Variants in TBC1D12 observed in about 807,000 individuals in gnomAD.
The protein encoded by TBC1D12 is TBC1 domain family, member 12.
A neutral mutation model predicts 86.7 loss-of-function variants in TBC1D12; 56 were observed. The ratio of observed to expected loss-of-function variants is 0.65; its 90% CI spans 0.52 to 0.81. The LOEUF is 0.81. Ranked by LOEUF, TBC1D12 falls within the 30% of genes least tolerant of loss-of-function variation. The pLI, the probability that TBC1D12 is intolerant of heterozygous loss-of-function variation, is 0.00. For missense variants in TBC1D12, 1,023 were observed against 1,038.8 expected (o/e 0.98, Z 0.21); for synonymous variants, 421 against 411.7 (o/e 1.02, Z -0.27).
At position 94,534,213 on chromosome 10, in the gene TBC1D12, TC is replaced by T. The variant is rs1296659489; in HGVS notation, c.*1118del. ...TAAGGAGATTAGTCTTGTTATTGAT[TC>T]TTTTATGTGTCAGTGCCATCTTAAT... On this transcript the variant is annotated 3_prime_UTR_variant, in exon 13 of 13. Coordinates refer to ENST00000225235, the MANE Select transcript of TBC1D12 (RefSeq NM_015188.2). The T allele has an allele frequency of 6.6e-6, 1 of 152,202 alleles. No homozygotes were observed. Among genetic ancestry groups the T allele is most frequent in the South Asian group, 2.1e-4 (1 of 4,828 alleles). The allele number at this position is 152,202 out of a possible 1,614,324, so 9.4% of individuals were successfully genotyped here.
intron 3 of TBC1D12, among the ~76,000 whole-genome samples, chr10:94,490,487 T>C (rs1353316885): frequency 6.6e-6 from 1 of 152,350 alleles, no homozygotes; most frequent in East Asian, 1.9e-4. Context: ...CCTTGTGTTA[T>C]AATCCTATTA....
intron 1 of TBC1D12, among the ~76,000 whole-genome samples, chr10:94,429,562 T>G (rs192607199): frequency 9.8e-5 from 15 of 152,312 alleles, no homozygotes; most frequent in Admixed American, 9.8e-4. Context: ...TTGAATTAAT[T>G]ATGTAGTCAG....
intron 1 of TBC1D12, among the ~76,000 whole-genome samples, chr10:94,425,768 G>A (rs1460756207): frequency 6.6e-6 from 1 of 152,126 alleles, no homozygotes; most frequent in Non-Finnish European, 1.5e-5. Context: ...AGGGAGCATT[G>A]ACATCTTTAT....
chr10:94,469,940 G>A (rs1236914460), intron 2 of TBC1D12, among the ~76,000 whole-genome samples: 3 of 152,116 alleles, frequency 2.0e-5, no homozygotes, highest in Admixed American at 6.6e-5. Flanking sequence ...CCTTTGTCAG[G>A]GACTGCAGAG....
intron 11 of TBC1D12, among the ~76,000 whole-genome samples, chr10:94,530,737 C>T (rs994596945): frequency 1.3e-5 from 2 of 152,090 alleles, no homozygotes; most frequent in Non-Finnish European, 2.9e-5. Context: ...CCTTAACTAC[C>T]AGACTGTTCT....
Position 94,455,345 on chromosome 10 carries a change from G to A in TBC1D12, c.1095+13326G>A, listed in dbSNP as rs117279156. Among the ~76,000 whole-genome samples, 243 of 152,172 alleles carry A rather than the reference G, an allele frequency of 1.6e-3. 1 individual carries two copies. The highest frequency in any genetic ancestry group is 2.8e-3 in the Non-Finnish European group (189 of 67,976). ...GTTTATAAGAGATATTGGTCTGTAC[G>A]TTTCTTTTTTAGTAATGCCTTTGTC... On this transcript the variant is annotated intron_variant, in intron 2 of 12. Coordinates refer to ENST00000225235, the MANE Select transcript of TBC1D12 (RefSeq NM_015188.2).
chr10:94,413,232 A>G (rs1460248824), intron 1 of TBC1D12, among the ~76,000 whole-genome samples: 1 of 152,200 alleles, frequency 6.6e-6, no homozygotes, highest in Non-Finnish European at 1.5e-5. Context: ...CTTTACTTGG[A>G]TGAGAAATTA....
At chr10:94,426,436 G>T (rs938285030) in intron 1 of TBC1D12, among the ~76,000 whole-genome samples, 1 of 151,964 alleles carries the variant, frequency 6.6e-6, no homozygotes, top group Non-Finnish European at 1.5e-5. Flanking sequence ...TGATGTAATT[G>T]TGTGGGTTTT....
chr10:94,483,056 T>TC (rs1011150937), intron 3 of TBC1D12, among the ~76,000 whole-genome samples: 4 of 150,804 alleles, frequency 2.7e-5, no homozygotes, highest in African/African-American at 9.8e-5. Context: ...TTTTTTTTTT[T>TC]TGAGTCAGAG....
intron 1 of TBC1D12, among the ~76,000 whole-genome samples, chr10:94,422,777 G>T (rs1206658153): frequency 6.6e-6 from 1 of 151,838 alleles, no homozygotes; most frequent in African/African-American, 2.4e-5. Context: ...TCAGTATGTT[G>T]TCCTGGCTGG....
chr10:94,428,893 C>T lies in TBC1D12; in HGVS notation c.972-13003C>T, dbSNP rs527686017. Among the ~76,000 whole-genome samples the T allele has an allele frequency of 4.6e-5, 7 of 151,872 alleles. No homozygotes were observed. The South Asian group carries it at 8.4e-4, about 18-fold the overall frequency. ...CCTGGCTGATTTTTTTTTGTAGAGA[C>T]GGGGTTTCGCTATGTTGCCCAGACT... On this transcript the variant is annotated intron_variant, in intron 1 of 12. Coordinates refer to ENST00000225235, the MANE Select transcript of TBC1D12 (RefSeq NM_015188.2).
intron 2 of TBC1D12, among the ~76,000 whole-genome samples, chr10:94,457,787 T>C (rs1202968341): frequency 3.3e-5 from 5 of 152,188 alleles, no homozygotes; most frequent in Non-Finnish European, 7.3e-5. Flanking sequence ...AGCATATCAG[T>C]TATACTTCTT....
At chr10:94,527,677 G>C (rs1221314548) in intron 11 of TBC1D12, among the ~76,000 whole-genome samples, 1 of 151,958 alleles carries the variant, frequency 6.6e-6, no homozygotes, top group Non-Finnish European at 1.5e-5. Flanking sequence ...GTTTTCTTCT[G>C]ATAGTTTTAT....
At chr10:94,466,471 A>C (rs2055826851) in intron 2 of TBC1D12, among the ~76,000 whole-genome samples, 1 of 152,074 alleles carries the variant, frequency 6.6e-6, no homozygotes, top group Admixed American at 6.6e-5. Context: ...GGCATTTACA[A>C]GTTCACAGCA....
chr10:94,521,977 C>G lies in TBC1D12; in HGVS notation c.1784C>G (p.Ala595Gly). Residue 595 changes from alanine to glycine, a missense_variant, in exon 10 of 13, where the codon GCA becomes GGA. Physicochemically the swap from Ala to Gly is moderately conservative, Grantham distance 60 (BLOSUM62 0). Transcript: ENST00000225235. The part of the protein sequence containing the change: ...VGYVQGMSFI[A>G]AVLILNLEEA... Reference sequence around the variant, plus strand: ...AAGGTCCAAGGGATGTCCTTCATTGCAGCAGTACTCATTCTCAATTTGGAA... The same window carrying G: ...AAGGTCCAAGGGATGTCCTTCATTGGAGCAGTACTCATTCTCAATTTGGAA... The G allele has an allele frequency of 6.2e-7, 1 of 1,610,198 alleles. No individual in the cohort carries two copies. The highest frequency in any genetic ancestry group is 8.5e-7 in the Non-Finnish European group (1 of 1,177,398).
chr10:94,514,509 C>A (rs2056565565), intron 9 of TBC1D12, among the ~76,000 whole-genome samples: 1 of 152,192 alleles, frequency 6.6e-6, no homozygotes, highest in African/African-American at 2.4e-5. Flanking sequence ...TAAGTGAGAA[C>A]ATGCAATATT....
At chr10:94,469,447 C>CTTTTTTT (rs71031578) in intron 2 of TBC1D12, among the ~76,000 whole-genome samples, 3 of 112,570 alleles carry the variant, frequency 2.7e-5, no homozygotes, top group Admixed American at 1.0e-4. Flanking sequence ...GAGTTTTTTC[C>CTTTTTTT]TTTTTTTTTT....
intron 1 of TBC1D12, among the ~76,000 whole-genome samples, chr10:94,435,901 G>A (rs1053820615): frequency 1.3e-5 from 2 of 152,164 alleles, no homozygotes; most frequent in African/African-American, 4.8e-5. Flanking sequence ...CTAGCCGGAG[G>A]TCCCGATACT....
At chr10:94,515,537 C>CG (rs1392300336) in intron 9 of TBC1D12, among the ~76,000 whole-genome samples, 4 of 151,584 alleles carry the variant, frequency 2.6e-5, no homozygotes, top group Admixed American at 2.6e-4. Context: ...TTAGTAGAGA[C>CG]GGGGTTTCAC....
Sources: gnomAD v4.1 joint callset for allele counts (sites outside exome capture counted in the v4.1 genomes callset) on GRCh38, gnomAD v4.1.1 for gene constraint, MANE v1.5 for transcripts, NCBI Gene and HGNC (gene_info 2026-07-23, HGNC 2026-07-21) for gene names.